CEP63: variants seen among roughly 807,000 people sequenced by gnomAD.
The protein encoded by CEP63 is centrosomal protein of 63 kDa.
In CEP63, 84 loss-of-function variants were observed where a neutral mutation model predicts 89.1. The ratio of observed to expected loss-of-function variants is 0.94; its 90% CI spans 0.79 to 1.13. CEP63 has a LOEUF of 1.13. CEP63 is among the 50% of genes most tolerant of loss of function. CEP63 has a pLI of 0.00. For missense variants in CEP63, 838 were observed against 813.3 expected (o/e 1.03, Z -0.37); for synonymous variants, 267 against 272.5 (o/e 0.98, Z 0.20).
intron 1 of CEP63, among the ~76,000 whole-genome samples, chr3:134,493,057 T>G (rs1221418619): frequency 3.3e-5 from 5 of 152,176 alleles, no homozygotes; most frequent in African/African-American, 1.2e-4. Context: ...ACTAAATATA[T>G]TAATGTTTAA....
chr3:134,665,836 G>A, the CEP63 span, among the ~76,000 whole-genome samples: 1 of 151,988 alleles, frequency 6.6e-6, no homozygotes, highest in African/African-American at 2.4e-5. Flanking sequence ...GACAAATATG[G>A]AGGAAAGATA....
At chr3:134,505,493 A>G (rs1318012780) in intron 2 of CEP63, among the ~76,000 whole-genome samples, 1 of 152,178 alleles carries the variant, frequency 6.6e-6, no homozygotes, top group African/African-American at 2.4e-5. Flanking sequence ...CACGTACCAG[A>G]CAGTGATGCC....
At chr3:134,608,277 A>T in the CEP63 span, 3 of 1,206,286 alleles carry the variant, frequency 2.5e-6, no homozygotes, top group Non-Finnish European at 2.1e-6. Context: ...TTTCCCTGCT[A>T]TGTGAACTGA....
At chr3:134,761,829 G>C in the CEP63 span, among the ~76,000 whole-genome samples, 1 of 152,194 alleles carries the variant, frequency 6.6e-6, no homozygotes, top group Non-Finnish European at 1.5e-5. Context: ...ATAGGCTGCT[G>C]GGGAGGTTTG....
chr3:134,710,795 C>G, the CEP63 span, among the ~76,000 whole-genome samples: 5 of 149,380 alleles, frequency 3.3e-5, no homozygotes, highest in Non-Finnish European at 7.4e-5. Flanking sequence ...GATCTCAGCT[C>G]ACTGCAACCT....
chr3:134,642,349 A>T, the CEP63 span, among the ~76,000 whole-genome samples: 1 of 152,066 alleles, frequency 6.6e-6, no homozygotes, highest in Admixed American at 6.5e-5. Context: ...TAGGACATCA[A>T]CTCTCAGAGC....
the CEP63 span, among the ~76,000 whole-genome samples, chr3:134,695,651 C>T: frequency 8.5e-5 from 13 of 152,280 alleles, no homozygotes; most frequent in East Asian, 3.9e-4. Context: ...GGCTCTGGAC[C>T]GTACCCAGAG....
chr3:134,710,726 C>CTTT, the CEP63 span, among the ~76,000 whole-genome samples: 8 of 132,142 alleles, frequency 6.1e-5, no homozygotes, highest in African/African-American at 1.6e-4. Context: ...CTTTTTCTTT[C>CTTT]TTTTTTTTTT....
At chr3:134,568,586 GGGCAAAGGA>G, downstream of CEP63, among the ~76,000 whole-genome samples, 2 of 152,258 alleles carry the variant, frequency 1.3e-5, no homozygotes, top group South Asian at 4.1e-4. Flanking sequence ...TCTGGACCAT[GGGCAAAGGA>G]CAGGAAAGGT....
chr3:134,643,837 T>TC, the CEP63 span, among the ~76,000 whole-genome samples: 4 of 151,600 alleles, frequency 2.6e-5, no homozygotes, highest in Admixed American at 2.0e-4. Flanking sequence ...TTCTTTTTTT[T>TC]TTTTTTTGAG....
chr3:134,562,161 C>T lies in CEP63; in HGVS notation c.*626C>T. On this transcript the variant is annotated 3_prime_UTR_variant, in exon 15 of 15. Transcript: ENST00000675561. ...GGAGGGCAAGGGACTGGCTGTCATG[C>T]ACGGTGCCCATGGAATATCCATTGG... The T allele has an allele frequency of 1.0e-6, 1 of 987,170 alleles. No homozygotes were observed. The highest frequency in any genetic ancestry group is 1.2e-6 in the Non-Finnish European group (1 of 831,158). The allele number at this position is 987,170 out of a possible 1,614,324, so 61.2% of individuals were successfully genotyped here.
At chr3:134,736,554 GT>G in the CEP63 span, among the ~76,000 whole-genome samples, 1 of 152,086 alleles carries the variant, frequency 6.6e-6, no homozygotes. Flanking sequence ...ACAAATTTCA[GT>G]GGGAACAACA....
the CEP63 span, among the ~76,000 whole-genome samples, chr3:134,754,204 G>A: frequency 6.6e-6 from 1 of 152,224 alleles, no homozygotes; most frequent in Admixed American, 6.5e-5. Flanking sequence ...CCACCAGCAG[G>A]CGAAGTGGTG....
chr3:134,639,538 G>T, the CEP63 span, among the ~76,000 whole-genome samples: 1 of 152,184 alleles, frequency 6.6e-6, no homozygotes, highest in Non-Finnish European at 1.5e-5. Context: ...TGGAAACATG[G>T]CAGTTTGACC....
Position 134,562,951 on chromosome 3 carries a change from A to G in CEP63, c.*1416A>G, listed in dbSNP as rs749846417. The G allele has an allele frequency of 6.6e-6, 1 of 151,516 alleles. No individual in the cohort carries two copies. The allele number at this position is 151,516 out of a possible 1,614,324, so 9.4% of individuals were successfully genotyped here. On this transcript the variant is annotated 3_prime_UTR_variant, in exon 15 of 15. Transcript: ENST00000675561. Reference sequence around the variant, plus strand: ...ATTCCATTCTCAAGCTCTTAATACCACCTATAGGCCAGTGACCCTTACATT... The same window carrying G: ...ATTCCATTCTCAAGCTCTTAATACCGCCTATAGGCCAGTGACCCTTACATT...
At chr3:134,568,709 A>C (rs1392354341), downstream of CEP63, among the ~76,000 whole-genome samples, 1 of 152,230 alleles carries the variant, frequency 6.6e-6, no homozygotes, top group Non-Finnish European at 1.5e-5. Flanking sequence ...AAAAGGTTTA[A>C]CATTAACCCA....
intron 1 of CEP63, among the ~76,000 whole-genome samples, chr3:134,493,533 C>T (rs374927249): frequency 9.2e-5 from 14 of 151,968 alleles, no homozygotes; most frequent in Non-Finnish European, 1.2e-4. Context: ...GATAAACCAA[C>T]TAGAAAAAAA....
the CEP63 span, among the ~76,000 whole-genome samples, chr3:134,742,090 T>C: frequency 2.6e-5 from 4 of 152,054 alleles, no homozygotes; most frequent in Non-Finnish European, 5.9e-5. Context: ...ATTGAGACAA[T>C]AGGAGGCCTA....
the CEP63 span, among the ~76,000 whole-genome samples, chr3:134,677,958 T>C: frequency 6.6e-6 from 1 of 151,876 alleles, no homozygotes; most frequent in South Asian, 2.1e-4. Flanking sequence ...GGTCTCTTTG[T>C]CTCCAGTCTT....
Sources: allele counts gnomAD v4.1 joint callset (sites outside exome capture counted in the v4.1 genomes callset), GRCh38; gene constraint gnomAD v4.1.1; transcripts MANE v1.5; gene names NCBI Gene and HGNC (gene_info 2026-07-23, HGNC 2026-07-21).